XBP1: variants seen among roughly 807,000 people sequenced by gnomAD.
XBP1 encodes X-box-binding protein 1.
A neutral mutation model predicts 34.6 loss-of-function variants in XBP1; 18 were observed. The observed-to-expected ratio is 0.52, with a 90% CI of 0.36 to 0.77. The LOEUF is 0.77. Ranked by LOEUF, XBP1 falls within the 30% of genes least tolerant of loss-of-function variation. XBP1 has a pLI of 0.00. For missense variants in XBP1, 422 were observed against 464.6 expected (o/e 0.91, Z 0.84); for synonymous variants, 191 against 193.4 (o/e 0.99, Z 0.11).
Position 28,799,046 on chromosome 22 carries a change from A to T in XBP1, c.324+11T>A. On this transcript the variant is annotated intron_variant, in intron 2 of 5. Transcript: ENST00000344347. Reference sequence around the variant, plus strand: ...CAATGGATAAAAGAGTTTGACCTTAAGTAGTTTTACCTCTTCTTCTAAATC... The same window carrying T: ...CAATGGATAAAAGAGTTTGACCTTATGTAGTTTTACCTCTTCTTCTAAATC... 6.2e-7 allele frequency: 1 copy of T among 1,607,010 alleles called. No homozygotes were observed. Among genetic ancestry groups the T allele is most frequent in the Non-Finnish European group, 8.5e-7 (1 of 1,173,728 alleles).
intron 1 of XBP1, 107 bp from the exon 2 acceptor site, chr22:28,799,260 C>G: frequency 1.3e-6 from 1 of 747,694 alleles, no homozygotes; most frequent in Middle Eastern, 2.5e-4. Context: ...CAGTATAAGA[C>G]AGACTAATGA....
At chr22:28,797,034 A>C in intron 3 of XBP1, 43 bp downstream of exon 3, 1 of 1,571,146 alleles carries the variant, frequency 6.4e-7, no homozygotes, top group Non-Finnish European at 8.6e-7. Flanking sequence ...TGTCACTTGG[A>C]ACCAGTACTC....
chr22:28,800,556 C>A, upstream of XBP1: 1 of 1,469,608 alleles, frequency 6.8e-7, no homozygotes, highest in South Asian at 1.3e-5. Flanking sequence ...CACCGCGCGC[C>A]GCAGCCGCCC....
intron 1 of XBP1, 53 bp from the exon 2 acceptor site, chr22:28,799,206 CTT>C: frequency 7.0e-7 from 1 of 1,434,676 alleles, no homozygotes; most frequent in Non-Finnish European, 9.6e-7. Flanking sequence ...TTATTTATGT[CTT>C]TATTTGAAAA....
chr22:28,798,977 G>T, intron 2 of XBP1, 80 bp downstream of exon 2: 1 of 1,174,862 alleles, frequency 8.5e-7, no homozygotes, highest in Non-Finnish European at 1.2e-6. Context: ...GAAACAACTT[G>T]GGATGGGAAG....
chr22:28,797,279 T>A, intron 2 of XBP1, 74 bp from the exon 3 acceptor site: 1 of 1,521,122 alleles, frequency 6.6e-7, no homozygotes, highest in Non-Finnish European at 8.9e-7. Context: ...TTCAGTATAA[T>A]TGGTTTCCTT....
chr22:28,795,570 T>C (rs1401540174), exon 6 of XBP1: 1 of 1,614,094 alleles, frequency 6.2e-7, no homozygotes, highest in Non-Finnish European at 8.5e-7. Context: ...GCTTCCAGCT[T>C]GGCTGATGAC....
chr22:28,795,549 G>C, exon 6 of XBP1: 1 of 1,614,192 alleles, frequency 6.2e-7, no homozygotes, highest in South Asian at 1.1e-5. Context: ...AAACGAATTA[G>C]TTCATTAATG....
intron 1 of XBP1, chr22:28,800,094 C>T: frequency 1.4e-6 from 1 of 739,370 alleles, no homozygotes. Flanking sequence ...GAGCCCTGGG[C>T]CGCCCTAGGT....
intron 1 of XBP1, 70 bp downstream of exon 1, chr22:28,800,228 A>G: frequency 6.6e-7 from 1 of 1,506,658 alleles, no homozygotes; most frequent in East Asian, 2.5e-5. Flanking sequence ...CCCCGCTCCC[A>G]GCCCCTGCCC....
intron 1 of XBP1, among the ~76,000 whole-genome samples, 190 bp from the exon 2 acceptor site, chr22:28,799,343 A>G (rs769630220): frequency 6.6e-6 from 1 of 152,210 alleles, no homozygotes; most frequent in Non-Finnish European, 1.5e-5. Context: ...TCTAGCTCGA[A>G]GACCTGCTTT....
chr22:28,799,386 CAG>C (rs1416746075), intron 1 of XBP1, among the ~76,000 whole-genome samples: 3 of 152,232 alleles, frequency 2.0e-5, no homozygotes, highest in African/African-American at 4.8e-5. Context: ...CCGTCCACCT[CAG>C]ACTCATCCCC....
chr22:28,795,768 C>A, intron 5 of XBP1, 36 bp from the exon 6 acceptor site: 1 of 1,510,010 alleles, frequency 6.6e-7, no homozygotes, highest in South Asian at 1.3e-5. Flanking sequence ...GTACAACTGT[C>A]AGAATACAAT....
chr22:28,795,200 A>T (rs2146263724), exon 6 of XBP1: 1 of 1,521,936 alleles, frequency 6.6e-7, no homozygotes, highest in Non-Finnish European at 8.8e-7. Context: ...CTGGGGAAAG[A>T]GTTCATTGGC....
intron 1 of XBP1, chr22:28,799,856 C>T: frequency 1.5e-6 from 1 of 673,456 alleles, no homozygotes; most frequent in Non-Finnish European, 2.7e-6. Flanking sequence ...AGATACTGAG[C>T]TAGACCAGTG....
exon 6 of XBP1, chr22:28,795,251 G>A (rs1179054229): frequency 6.4e-7 from 1 of 1,551,224 alleles, no homozygotes; most frequent in South Asian, 1.2e-5. Context: ...AAGCAGAGAG[G>A]ACATGTCACT....
intron 5 of XBP1, 131 bp downstream of exon 5, chr22:28,795,916 T>C (rs2031742183): frequency 7.7e-7 from 1 of 1,297,988 alleles, no homozygotes; most frequent in Non-Finnish European, 1.1e-6. Flanking sequence ...ACTAGGAAGG[T>C]AGTTGATGTT....
At chr22:28,796,002 A>AT in intron 5 of XBP1, 45 bp downstream of exon 5, 1 of 1,610,994 alleles carries the variant, frequency 6.2e-7, no homozygotes, top group Non-Finnish European at 8.5e-7. Context: ...AACAGATGGA[A>AT]TTAACTGGTT....
upstream of XBP1, chr22:28,800,562 C>A (rs940220536): frequency 2.7e-5 from 39 of 1,461,812 alleles, no homozygotes; most frequent in Non-Finnish European, 3.3e-5. Context: ...GCGCCGCAGC[C>A]GCCCAGCGCC....
Sources: allele counts gnomAD v4.1 joint callset (sites outside exome capture counted in the v4.1 genomes callset), GRCh38; gene constraint gnomAD v4.1.1; transcripts MANE v1.5; gene names NCBI Gene and HGNC (gene_info 2026-07-23, HGNC 2026-07-21).